RAB10: variants seen among roughly 807,000 people sequenced by gnomAD.
The protein encoded by RAB10 is RAB10, member RAS oncogene family.
A neutral mutation model predicts 25.7 loss-of-function variants in RAB10; 5 were observed. The ratio of observed to expected loss-of-function variants is 0.19; its 90% CI spans 0.10 to 0.41. The LOEUF is 0.41. Among genes scored for constraint, RAB10 ranks in the 10% least tolerant of loss-of-function variants. RAB10 has a pLI of 1.00. For synonymous variants in RAB10, 89 were observed against 86.4 expected (o/e 1.03, Z -0.16); for missense variants, 103 against 245.8 (o/e 0.42, Z 3.89).
At chr2:26,054,356 ATGTT>A (rs1666205042) in intron 1 of RAB10, among the ~76,000 whole-genome samples, 1 of 151,206 alleles carries the variant, frequency 6.6e-6, no homozygotes, top group East Asian at 2.0e-4. Flanking sequence ...GCCCGGCCTA[ATGTT>A]TGTATTTTTA....
chr2:26,062,646 C>G (rs1310726159), intron 1 of RAB10, among the ~76,000 whole-genome samples: 1 of 151,690 alleles, frequency 6.6e-6, no homozygotes, highest in African/African-American at 2.4e-5. Flanking sequence ...CTACTCCACT[C>G]CAGCCTGGGC....
intron 1 of RAB10, among the ~76,000 whole-genome samples, chr2:26,076,309 T>C (rs1246459291): frequency 6.6e-6 from 1 of 152,226 alleles, no homozygotes; most frequent in Non-Finnish European, 1.5e-5. Context: ...TCTTAATTAC[T>C]ACCTTCTGTA....
intron 1 of RAB10, among the ~76,000 whole-genome samples, chr2:26,082,966 C>T (rs1020148288): frequency 2.0e-5 from 3 of 152,094 alleles, no homozygotes; most frequent in Admixed American, 6.6e-5. Flanking sequence ...AATTAGCTGC[C>T]TTAATGGAGT....
intron 1 of RAB10, among the ~76,000 whole-genome samples, chr2:26,046,661 C>T (rs532739358): frequency 1.3e-5 from 2 of 152,288 alleles, no homozygotes; most frequent in South Asian, 2.1e-4. Context: ...AATCAGTACT[C>T]CTGCCTCAGC....
intron 5 of RAB10, among the ~76,000 whole-genome samples, chr2:26,133,631 C>T (rs1668049815): frequency 6.6e-6 from 1 of 151,964 alleles, no homozygotes; most frequent in Non-Finnish European, 1.5e-5. Flanking sequence ...AAAAATGGGC[C>T]TACCCTTTTA....
At chr2:26,044,161 G>T (rs978468311) in intron 1 of RAB10, among the ~76,000 whole-genome samples, 2 of 152,144 alleles carry the variant, frequency 1.3e-5, no homozygotes, top group African/African-American at 4.8e-5. Flanking sequence ...TTTAGAAAAT[G>T]GTTTAAATGG....
At chr2:26,099,785 G>C (rs1667306537) in intron 2 of RAB10, among the ~76,000 whole-genome samples, 1 of 151,908 alleles carries the variant, frequency 6.6e-6, no homozygotes, top group Admixed American at 6.6e-5. Flanking sequence ...CTCGTGATCC[G>C]CCCGCCTTGG....
At chr2:26,087,198 T>C (rs941063983) in intron 1 of RAB10, among the ~76,000 whole-genome samples, 2 of 152,154 alleles carry the variant, frequency 1.3e-5, no homozygotes, top group African/African-American at 4.8e-5. Flanking sequence ...GAATCAGACA[T>C]GGTACTGAAT....
upstream of RAB10, among the ~76,000 whole-genome samples, chr2:26,033,404 G>A (rs1665674377): frequency 6.6e-6 from 1 of 152,230 alleles, no homozygotes; most frequent in South Asian, 2.1e-4. Context: ...CGCCCAGGAA[G>A]AGGTTGTGAG....
intron 2 of RAB10, 37 bp downstream of exon 2, chr2:26,098,759 C>A: frequency 2.0e-6 from 3 of 1,488,920 alleles, no homozygotes; most frequent in South Asian, 1.2e-5. Flanking sequence ...AGCAGAATGT[C>A]AGGTTCCTTA....
intron 3 of RAB10, among the ~76,000 whole-genome samples, chr2:26,124,506 T>C (rs1482539916): frequency 6.8e-6 from 1 of 146,610 alleles, no homozygotes; most frequent in Non-Finnish European, 1.5e-5. Flanking sequence ...GCTCAAGTGC[T>C]CCTCCTGCCT....
At chr2:26,037,770 A>G (rs1280070696) in intron 1 of RAB10, among the ~76,000 whole-genome samples, 1 of 152,188 alleles carries the variant, frequency 6.6e-6, no homozygotes, top group Non-Finnish European at 1.5e-5. Flanking sequence ...AGTGCATATT[A>G]GCTATATATA....
chr2:26,072,146 C>T (rs537280493), intron 1 of RAB10, among the ~76,000 whole-genome samples: 18 of 151,916 alleles, frequency 1.2e-4, no homozygotes, highest in Non-Finnish European at 2.5e-4. Flanking sequence ...TGGCTGGGTG[C>T]GGTGGCTCAC....
chr2:26,125,985 A>G (rs1667896119), intron 3 of RAB10, among the ~76,000 whole-genome samples: 1 of 152,144 alleles, frequency 6.6e-6, no homozygotes, highest in South Asian at 2.1e-4. Context: ...TTTTCTTCTA[A>G]GAGTTTTATA....
Position 26,097,794 on chromosome 2 carries a change from G to A in RAB10, c.128-868G>A, listed in dbSNP as rs192217735. Among the ~76,000 whole-genome samples, 21 of 152,286 alleles carry A rather than the reference G, an allele frequency of 1.4e-4. No individual in the cohort carries two copies. The East Asian group carries it at 4.0e-3, about 29-fold the overall frequency. On this transcript the variant is annotated intron_variant, in intron 1 of 5. Transcript: ENST00000264710. The stretch of plus-strand genomic sequence containing the variant: ...TCTACTTAAAGAAATCTGGTTTTGA[G>A]GGAAAGGATGTTGAAGTCTCCAACT...
chr2:26,107,960 A>C (rs1303555917), intron 2 of RAB10, among the ~76,000 whole-genome samples: 1 of 152,204 alleles, frequency 6.6e-6, no homozygotes, highest in African/African-American at 2.4e-5. Flanking sequence ...TGATGATGAA[A>C]TATTACTATG....
intron 1 of RAB10, among the ~76,000 whole-genome samples, chr2:26,066,533 G>A (rs947656001): frequency 5.3e-5 from 8 of 152,234 alleles, no homozygotes; most frequent in Non-Finnish European, 1.0e-4. Flanking sequence ...TCATGGCTGG[G>A]GAGGCCTCAG....
At chr2:26,099,465 G>A (rs963187503) in intron 2 of RAB10, among the ~76,000 whole-genome samples, 1 of 149,974 alleles carries the variant, frequency 6.7e-6, no homozygotes, top group South Asian at 2.1e-4. Flanking sequence ...CTTCTTCCCT[G>A]CTACCCCTGG....
intron 2 of RAB10, among the ~76,000 whole-genome samples, chr2:26,098,991 C>T (rs577794166): frequency 1.5e-4 from 23 of 152,234 alleles, no homozygotes; most frequent in Admixed American, 1.2e-3. Context: ...TAGTAACACC[C>T]GTCTCAATGG....
Sources: gnomAD v4.1 joint callset for allele counts (sites outside exome capture counted in the v4.1 genomes callset) on GRCh38, gnomAD v4.1.1 for gene constraint, MANE v1.5 for transcripts, NCBI Gene and HGNC (gene_info 2026-07-23, HGNC 2026-07-21) for gene names.